ANKRD36B: variants seen among roughly 807,000 people sequenced by gnomAD.
ANKRD36B encodes the protein ankyrin repeat domain 36B, also known as ankyrin repeat domain-containing protein 36B.
A neutral mutation model predicts 135.7 loss-of-function variants in ANKRD36B; 37 were observed. That is an observed-to-expected ratio of 0.27 (90% CI 0.21 to 0.36). The LOEUF (loss-of-function observed/expected upper bound fraction) is 0.36, where lower values mean the gene tolerates loss of function less well. ANKRD36B is among the 10% of genes least tolerant of loss of function. ANKRD36B has a pLI of 1.00. For synonymous variants in ANKRD36B, 179 were observed against 348.1 expected (o/e 0.51, Z 5.41); for missense variants, 549 against 1,037.1 (o/e 0.53, Z 6.46).
chr2:97,560,771 T>C, intron 7 of ANKRD36B, 34 bp from the exon 8 acceptor site: 2 of 1,594,658 alleles, frequency 1.3e-6, no homozygotes, highest in Admixed American at 1.7e-5. Context: ...AATCAATATG[T>C]AAAGTAGGTT....
chr2:97,523,280 T>C (rs2078032742), intron 36 of ANKRD36B, 46 bp downstream of exon 36: 1 of 278,422 alleles, frequency 3.6e-6, no homozygotes, highest in East Asian at 4.3e-5. Flanking sequence ...GTGCATACAT[T>C]GCTATAGGAT....
chr2:97,575,640 C>G (rs1360882037), intron 6 of ANKRD36B, among the ~76,000 whole-genome samples: 1 of 91,516 alleles, frequency 1.1e-5, no homozygotes, highest in Non-Finnish European at 2.9e-5. Flanking sequence ...ATGGTTTTCA[C>G]AGGAAAAGAT....
chr2:97,521,567 A>T (rs1348607025), intron 36 of ANKRD36B, among the ~76,000 whole-genome samples: 4 of 85,110 alleles, frequency 4.7e-5, no homozygotes, highest in African/African-American at 1.4e-4. Flanking sequence ...TTGGGGCATG[A>T]AACAATGTTT....
intron 4 of ANKRD36B, among the ~76,000 whole-genome samples, chr2:97,580,104 T>C (rs1168694479): frequency 6.6e-6 from 1 of 152,238 alleles, no homozygotes; most frequent in African/African-American, 2.4e-5. Context: ...GAAACCCCTT[T>C]AGCTAATGTA....
At position 97,551,461 on chromosome 2, in the gene ANKRD36B, T is replaced by C. The variant is rs376644275; in HGVS notation, c.1293A>G (p.Pro431=). The change falls in exon 17 of 44, where the codon CCA becomes CCG. Residue 431 remains proline, a synonymous_variant. Transcript: ENST00000359901. The part of the protein sequence containing the change: ...KSGTVSSQKK[P]ALKATSDEKD... Reference sequence around the variant, plus strand: ...ATGAGAGTTTCATTACCTTCAAGGCTGGTTTTTTCTGAGAAGACACTGAAA... The same window carrying C: ...ATGAGAGTTTCATTACCTTCAAGGCCGGTTTTTTCTGAGAAGACACTGAAA... The C allele has an allele frequency of 6.7e-5, 107 of 1,607,490 alleles. 1 individual carries two copies. The African/African-American group carries it at 1.2e-3, about 18-fold the overall frequency.
chr2:97,562,872 A>T (rs1577022139), intron 6 of ANKRD36B, among the ~76,000 whole-genome samples: 1 of 151,604 alleles, frequency 6.6e-6, no homozygotes, highest in East Asian at 1.9e-4. Flanking sequence ...TCCCATAGAC[A>T]CTCTTTCACA....
intron 43 of ANKRD36B, among the ~76,000 whole-genome samples, chr2:97,494,671 A>G (rs1172093851): frequency 2.1e-4 from 21 of 99,810 alleles, no homozygotes; most frequent in African/African-American, 4.7e-4. Flanking sequence ...CAATTTGATT[A>G]TAGTGTATCT....
chr2:97,589,407 A>AT, intron 1 of ANKRD36B, 118 bp downstream of exon 1: 1 of 412,282 alleles, frequency 2.4e-6, no homozygotes, highest in Non-Finnish European at 3.5e-6. Flanking sequence ...GGCACCCCCT[A>AT]GCCCCCGTCC....
At chr2:97,569,730 GTTAATTTT>G (rs2081705306) in intron 6 of ANKRD36B, among the ~76,000 whole-genome samples, 1 of 152,002 alleles carries the variant, frequency 6.6e-6, no homozygotes, top group South Asian at 2.1e-4. Context: ...AAATAAAGTT[GTTAATTTT>G]TTAAAAAGAT....
rs1227144694 is a variant in ANKRD36B, at chr2:97,513,164, C to G, written c.2805+16G>C. On this transcript the variant is annotated intron_variant, in intron 38 of 43. Transcript: ENST00000359901. ...ATAAGAGTAGAAATATGAAGTTTTA[C>G]CAAACATTAATTTACCTGATTTGAA... is the stretch of plus-strand genomic sequence containing the variant. 4 of 1,315,382 alleles carry G rather than the reference C, an allele frequency of 3.0e-6. 1 individual carries two copies. The South Asian group carries it at 4.1e-5, about 14-fold the overall frequency. 81.5% of individuals were successfully genotyped at this position (1,315,382 alleles called of 1,614,324 possible).
chr2:97,551,985 A>T lies in ANKRD36B; in HGVS notation c.1274-505T>A, dbSNP rs1286971168. On this transcript the variant is annotated intron_variant, in intron 16 of 43. Transcript: ENST00000359901. ...TTGAACGTACACTTCACATCTCTTC[A>T]CTGGTAATGTCCTAAATTAATCACC... Among the ~76,000 whole-genome samples, 3 of 151,932 alleles carry T rather than the reference A, an allele frequency of 2.0e-5. No individual in the cohort carries two copies. In the East Asian group the frequency reaches 5.8e-4, roughly 30 times the overall value.
Position 97,529,103 on chromosome 2 carries a change from A to G in ANKRD36B, c.2265+3208T>C. On this transcript the variant is annotated intron_variant, in intron 35 of 43. Coordinates refer to ENST00000359901, the MANE Select transcript of ANKRD36B (RefSeq NM_001393939.1). ...AAGCTGGGCAGAGACACAACCAAAA[A>G]AGAGAATTTTAGACCAATATCCTTA... Among the ~76,000 whole-genome samples, 2 of 96,424 alleles carry G rather than the reference A, an allele frequency of 2.1e-5. 1 individual carries two copies. Among genetic ancestry groups the G allele is most frequent in the Non-Finnish European group, 5.5e-5 (2 of 36,350 alleles). 63.3% of individuals were successfully genotyped at this position (96,424 alleles called of 152,430 possible).
intron 12 of ANKRD36B, among the ~76,000 whole-genome samples, chr2:97,556,327 C>T (rs1290282612): frequency 6.6e-6 from 1 of 151,876 alleles, no homozygotes; most frequent in Non-Finnish European, 1.5e-5. Context: ...TTCCTGATTC[C>T]GGTAGTCATC....
chr2:97,553,731 C>A (rs554782333), intron 14 of ANKRD36B, among the ~76,000 whole-genome samples: 60 of 151,988 alleles, frequency 3.9e-4, no homozygotes, highest in Non-Finnish European at 7.4e-4. Flanking sequence ...GGCACATGCA[C>A]CCACATGTCT....
chr2:97,546,870 C>A (rs536611273), intron 22 of ANKRD36B, among the ~76,000 whole-genome samples: 19 of 151,694 alleles, frequency 1.3e-4, no homozygotes, highest in African/African-American at 4.3e-4. Flanking sequence ...CTGATGCCTC[C>A]TAGTAACAAA....
At chr2:97,572,911 G>C (rs1460582634) in intron 6 of ANKRD36B, among the ~76,000 whole-genome samples, 2 of 151,556 alleles carry the variant, frequency 1.3e-5, no homozygotes, top group Non-Finnish European at 2.9e-5. Context: ...CTCGTCTGTA[G>C]GCTACTTCTT....
At chr2:97,550,002 A>G (rs1201950550) in intron 18 of ANKRD36B, among the ~76,000 whole-genome samples, 40 of 151,858 alleles carry the variant, frequency 2.6e-4, no homozygotes, top group African/African-American at 7.7e-4. Flanking sequence ...GCAACAAATC[A>G]AAAGGATTTA....
rs767264009 is a variant in ANKRD36B at position 97,547,499 on chromosome 2, G to A, written c.1579+37C>T. 1.1e-5 allele frequency: 17 copies of A among 1,525,610 alleles called. 2 individuals are homozygous for A. Among genetic ancestry groups the A allele is most frequent in the Admixed American group, 9.7e-5 (5 of 51,496 alleles). The allele number at this position is 1,525,610 out of a possible 1,614,324, so 94.5% of individuals were successfully genotyped here. ...AGGGAAGAGAATTTCTTATCTACCC[G>A]GACTGAACATGACATTAAATCTCTT... On this transcript the variant is annotated intron_variant, in intron 22 of 43. Coordinates refer to ENST00000359901, the MANE Select transcript of ANKRD36B (RefSeq NM_001393939.1).
intron 6 of ANKRD36B, among the ~76,000 whole-genome samples, chr2:97,562,636 AT>A (rs1451296090): frequency 2.0e-5 from 3 of 151,738 alleles, no homozygotes; most frequent in Admixed American, 6.6e-5. Context: ...TTTGACATAC[AT>A]TTTTTTCGTT....
Sources: gnomAD v4.1 joint callset for allele counts (sites outside exome capture counted in the v4.1 genomes callset) on GRCh38, gnomAD v4.1.1 for gene constraint, MANE v1.5 for transcripts, NCBI Gene and HGNC (gene_info 2026-07-23, HGNC 2026-07-21) for gene names.